The following ZNF385B variants were observed in gnomAD, a reference collection of about 807,000 sequenced individuals.
The protein encoded by ZNF385B is zinc finger protein 533.
In ZNF385B, 23 loss-of-function variants were observed where a neutral mutation model predicts 39.2. The observed-to-expected ratio is 0.59, with a 90% CI of 0.42 to 0.83. The LOEUF is 0.83. Among genes scored for constraint, ZNF385B ranks in the 40% least tolerant of loss-of-function variants. ZNF385B has a pLI of 0.00. For synonymous variants in ZNF385B, 205 were observed against 222.6 expected, an observed-to-expected ratio of 0.92 and a Z score of 0.70; for missense variants, 552 against 598.9, an observed-to-expected ratio of 0.92 and a Z score of 0.82.
chr2:179,544,732 C>T lies in ZNF385B; in HGVS notation c.441+95G>A, dbSNP rs2060121259. On this transcript the variant is annotated intron_variant, in intron 4 of 9. Transcript: ENST00000410066. ...ATAACCAATATATGGTCTAAAATTA[C>T]ACACTTTGGAAACAGGCTGTATCTA... 45 of 1,491,436 alleles carry T rather than the reference C, an allele frequency of 3.0e-5. No individual in the cohort carries two copies. The South Asian group carries it at 4.7e-4, about 16-fold the overall frequency. The allele number at this position is 1,491,436 out of a possible 1,614,324, so 92.4% of individuals were successfully genotyped here.
intron 3 of ZNF385B, among the ~76,000 whole-genome samples, chr2:179,546,391 T>A (rs921012856): frequency 6.6e-6 from 1 of 152,106 alleles, no homozygotes; most frequent in African/African-American, 2.4e-5. Flanking sequence ...CCTCTTCCCA[T>A]CCTCTAGTAA....
At chr2:179,818,673 G>T (rs1455435479) in intron 1 of ZNF385B, among the ~76,000 whole-genome samples, 1 of 152,138 alleles carries the variant, frequency 6.6e-6, no homozygotes, top group Non-Finnish European at 1.5e-5. Context: ...CTTGTTTTTT[G>T]ATTCCCACAA....
intron 1 of ZNF385B, among the ~76,000 whole-genome samples, chr2:179,827,917 T>C (rs113764352): frequency 2.0e-5 from 3 of 152,316 alleles, no homozygotes; most frequent in African/African-American, 7.2e-5. Context: ...TTTGATACCA[T>C]GGGTTATATT....
At position 179,836,551 on chromosome 2, in the gene ZNF385B, G is replaced by T. The variant is rs544462851; in HGVS notation, c.-155+24550C>A. Among the ~76,000 whole-genome samples the T allele has an allele frequency of 7.5e-4, 100 of 134,152 alleles. 1 individual carries two copies. The South Asian group carries it at 0.022, about 29-fold the overall frequency. The allele number at this position is 134,152 out of a possible 152,430, so 88.0% of individuals were successfully genotyped here. On this transcript the variant is annotated intron_variant, in intron 1 of 9. Coordinates refer to ENST00000410066, the MANE Select transcript of ZNF385B (RefSeq NM_152520.6). ...TTTTGAGACGGAGTCTCGCTCTGTC[G>T]CCCAGGCCAGACTGCGGACTGCAGT...
intron 3 of ZNF385B, among the ~76,000 whole-genome samples, chr2:179,547,176 C>T (rs1399848393): frequency 6.7e-6 from 1 of 149,478 alleles, no homozygotes; most frequent in South Asian, 2.1e-4. Context: ...GTTGCCTCTT[C>T]ACTTTGTTGA....
intron 3 of ZNF385B, among the ~76,000 whole-genome samples, chr2:179,615,562 G>C (rs1446732814): frequency 6.6e-6 from 1 of 152,194 alleles, no homozygotes; most frequent in Non-Finnish European, 1.5e-5. Flanking sequence ...GAAAAATCAA[G>C]GTGCTCTAGA....
chr2:179,663,821 G>A (rs1694810856), intron 3 of ZNF385B, among the ~76,000 whole-genome samples: 1 of 151,820 alleles, frequency 6.6e-6, no homozygotes, highest in African/African-American at 2.4e-5. Flanking sequence ...CATCCTTCCG[G>A]GGACTTTACA....
intron 3 of ZNF385B, among the ~76,000 whole-genome samples, chr2:179,676,475 T>C (rs140102175): frequency 0.029 from 4,413 of 151,628 alleles, 221 homozygotes; most frequent in African/African-American, 0.1. Context: ...CTGCCCACCT[T>C]GGCCTCCCAA....
chr2:179,662,811 T>C (rs1694650621), intron 3 of ZNF385B, among the ~76,000 whole-genome samples: 1 of 152,218 alleles, frequency 6.6e-6, no homozygotes, highest in South Asian at 2.1e-4. Flanking sequence ...CAAGTTCTTT[T>C]ACTTTGATAA....
At chr2:179,846,940 C>A (rs1282515210) in intron 1 of ZNF385B, among the ~76,000 whole-genome samples, 1 of 152,196 alleles carries the variant, frequency 6.6e-6, no homozygotes, top group Non-Finnish European at 1.5e-5. Flanking sequence ...CTTCAGTTTT[C>A]TCCACAATAA....
intron 1 of ZNF385B, among the ~76,000 whole-genome samples, chr2:179,825,781 G>A (rs557138018): frequency 1.3e-5 from 2 of 152,078 alleles, no homozygotes; most frequent in Non-Finnish European, 1.5e-5. Flanking sequence ...GAAATAGGAC[G>A]CCATTTTCAA....
intron 5 of ZNF385B, among the ~76,000 whole-genome samples, 189 bp downstream of exon 5, chr2:179,518,339 A>T (rs879778036): frequency 6.6e-5 from 10 of 152,212 alleles, no homozygotes; most frequent in Non-Finnish European, 1.5e-4. Context: ...TCAGAGGGCC[A>T]ACCATACTCT....
At chr2:179,813,537 G>A (rs1214888851) in intron 1 of ZNF385B, among the ~76,000 whole-genome samples, 1 of 152,098 alleles carries the variant, frequency 6.6e-6, no homozygotes, top group Non-Finnish European at 1.5e-5. Context: ...CTTCAGGGAA[G>A]GTGGAAGATG....
At position 179,625,875 on chromosome 2, in the gene ZNF385B, A is replaced by G. The variant is rs1348830075; in HGVS notation, c.299-80906T>C. Among the ~76,000 whole-genome samples the G allele has an allele frequency of 2.6e-5, 4 of 152,198 alleles. No homozygotes were observed. The East Asian group carries it at 5.8e-4, about 22-fold the overall frequency. ...AACAGACACAAGATGCATCTTCACA[A>G]ACATGTCTCCTAAAGAGTGCAACTC... On this transcript the variant is annotated intron_variant, in intron 3 of 9. Coordinates refer to ENST00000410066, the MANE Select transcript of ZNF385B (RefSeq NM_152520.6).
intron 3 of ZNF385B, among the ~76,000 whole-genome samples, chr2:179,677,008 C>T (rs1425636222): frequency 1.3e-5 from 2 of 152,162 alleles, no homozygotes; most frequent in Non-Finnish European, 2.9e-5. Context: ...CCACAAGTGT[C>T]AGTAACCGCT....
At chr2:179,817,806 T>C (rs139472923) in intron 1 of ZNF385B, among the ~76,000 whole-genome samples, 66 of 152,252 alleles carry the variant, frequency 4.3e-4, no homozygotes, top group African/African-American at 1.4e-3. Context: ...TGTGCATGCA[T>C]GTTGGCCTGC....
intron 3 of ZNF385B, among the ~76,000 whole-genome samples, chr2:179,730,971 C>T (rs762999572): frequency 2.6e-5 from 4 of 152,184 alleles, no homozygotes; most frequent in Admixed American, 1.3e-4. Context: ...TTACCAAACA[C>T]CATCAAAATA....
Position 179,474,527 on chromosome 2 carries a change from T to C in ZNF385B, c.715+8745A>G, listed in dbSNP as rs1379142249. ...TGTTTTCCCCTCTCTGGGTGTCACTTTCTAATATCCATCAGAATACTATTA... is the reference window on the plus strand; with the variant it reads ...TGTTTTCCCCTCTCTGGGTGTCACTCTCTAATATCCATCAGAATACTATTA... On this transcript the variant is annotated intron_variant, in intron 6 of 9. Coordinates refer to ENST00000410066, the MANE Select transcript of ZNF385B (RefSeq NM_152520.6). 7.2e-5 allele frequency among the ~76,000 whole-genome samples: 11 copies of C among 152,314 alleles called. No individual in the cohort carries two copies. The East Asian group carries it at 2.1e-3, about 29-fold the overall frequency.
chr2:179,479,327 T>C (rs1430044705), intron 6 of ZNF385B, among the ~76,000 whole-genome samples: 1 of 152,202 alleles, frequency 6.6e-6, no homozygotes, highest in Non-Finnish European at 1.5e-5. Flanking sequence ...CTTGCCATGA[T>C]ATCCCGAAAT....
Sources: allele counts gnomAD v4.1 joint callset (sites outside exome capture counted in the v4.1 genomes callset), GRCh38; gene constraint gnomAD v4.1.1; transcripts MANE v1.5; gene names NCBI Gene and HGNC (gene_info 2026-07-23, HGNC 2026-07-21).